The following CLIP4 variants were observed in gnomAD, a reference collection of about 807,000 sequenced individuals.
CLIP4 encodes CAP-Gly domain containing linker protein family member 4.
In CLIP4, 47 loss-of-function variants were observed where a neutral mutation model predicts 73.1. That is an observed-to-expected ratio of 0.64 (90% CI 0.51 to 0.82). The LOEUF is 0.82. Among genes scored for constraint, CLIP4 ranks in the 40% least tolerant of loss-of-function variants. The pLI is 0.00. For missense variants in CLIP4, 874 were observed against 852.9 expected, an observed-to-expected ratio of 1.02 and a Z score of -0.31; for synonymous variants, 306 against 295.4, an observed-to-expected ratio of 1.04 and a Z score of -0.37.
chr2:29,098,707 A>G (rs79962244), intron 1 of CLIP4, among the ~76,000 whole-genome samples: 2,999 of 152,320 alleles, frequency 0.02, 103 homozygotes, highest in African/African-American at 0.068. Flanking sequence ...ATAAGTTTTC[A>G]TATCACTTGG....
rs564676821 is a variant in CLIP4, at chr2:29,118,599, A to G, written c.-15-2775A>G. Reference sequence around the variant, plus strand: ...AGTGGCGGGATCTCGGCTTACCGCAATCTCTGCCTCCCAGGTTCAAGCGAT... The same window carrying G: ...AGTGGCGGGATCTCGGCTTACCGCAGTCTCTGCCTCCCAGGTTCAAGCGAT... On this transcript the variant is annotated intron_variant, in intron 1 of 15. Coordinates refer to ENST00000320081, the MANE Select transcript of CLIP4 (RefSeq NM_024692.6). Among the ~76,000 whole-genome samples, 331 of 151,534 alleles carry G rather than the reference A, an allele frequency of 2.2e-3. 1 individual carries two copies. Among genetic ancestry groups the G allele is most frequent in the Non-Finnish European group, 3.7e-3 (251 of 67,932 alleles).
At chr2:29,153,568 C>T (rs936895271) in intron 9 of CLIP4, among the ~76,000 whole-genome samples, 3 of 152,126 alleles carry the variant, frequency 2.0e-5, no homozygotes, top group Admixed American at 6.5e-5. Flanking sequence ...TTTATTTGTG[C>T]AAGTGTCCTA....
chr2:29,131,765 T>G (rs1664987567), intron 3 of CLIP4: 1 of 239,620 alleles, frequency 4.2e-6, no homozygotes, highest in Admixed American at 5.2e-5. Flanking sequence ...GAATGTAGTC[T>G]TTAAGAATAT....
At chr2:29,166,854 G>A (rs992418467) in intron 13 of CLIP4, among the ~76,000 whole-genome samples, 2 of 152,166 alleles carry the variant, frequency 1.3e-5, no homozygotes, top group Non-Finnish European at 2.9e-5. Context: ...GCTGGAGGAA[G>A]TGATTGACAA....
intron 9 of CLIP4, among the ~76,000 whole-genome samples, chr2:29,153,737 A>G (rs572705454): frequency 6.6e-6 from 1 of 152,330 alleles, no homozygotes; most frequent in East Asian, 1.9e-4. Context: ...GAATTTGTCC[A>G]AGAATTAGGC....
intron 14 of CLIP4, among the ~76,000 whole-genome samples, chr2:29,170,115 G>A (rs1181868069): frequency 6.6e-6 from 1 of 152,124 alleles, no homozygotes; most frequent in African/African-American, 2.4e-5. Flanking sequence ...ATATTCCACT[G>A]TATTATGTAT....
chr2:29,104,976 G>A (rs1322822550), intron 1 of CLIP4, among the ~76,000 whole-genome samples: 2 of 152,156 alleles, frequency 1.3e-5, no homozygotes. Context: ...AAGCTGTGTG[G>A]CTGTTGTTTT....
chr2:29,114,645 C>T (rs1668477043), upstream of CLIP4, among the ~76,000 whole-genome samples: 1 of 152,226 alleles, frequency 6.6e-6, no homozygotes, highest in South Asian at 2.1e-4. Flanking sequence ...GGAAAAGATG[C>T]TCCGGGGTGC....
At chr2:29,178,461 G>A (rs1266610741) in intron 15 of CLIP4, among the ~76,000 whole-genome samples, 1 of 152,052 alleles carries the variant, frequency 6.6e-6, no homozygotes, top group Admixed American at 6.5e-5. Context: ...GATTACAGGT[G>A]TGCACCACTG....
In CLIP4 at chr2:29,173,666, G is replaced by T. The variant is rs186433649; in HGVS notation, c.1724-707G>T. Among the ~76,000 whole-genome samples the T allele has an allele frequency of 4.7e-3, 721 of 152,288 alleles. 3 individuals are homozygous for T. The highest frequency in any genetic ancestry group is 7.5e-3 in the Non-Finnish European group (511 of 68,022). ...AAAATTATAGTTTTAAACTAAAATTGTGTCAATCAAAAGATTCATTCAGCA... is the reference window on the plus strand; with the variant it reads ...AAAATTATAGTTTTAAACTAAAATTTTGTCAATCAAAAGATTCATTCAGCA... On this transcript the variant is annotated intron_variant, in intron 14 of 15. Coordinates refer to ENST00000320081, the MANE Select transcript of CLIP4 (RefSeq NM_024692.6).
chr2:29,104,036 G>A (rs544710708), intron 1 of CLIP4, among the ~76,000 whole-genome samples: 1 of 152,044 alleles, frequency 6.6e-6, no homozygotes, highest in Non-Finnish European at 1.5e-5. Context: ...ACTGAGGCCC[G>A]CATCCCAGGA....
chr2:29,118,891 T>C (rs1558513869), intron 1 of CLIP4, among the ~76,000 whole-genome samples: 1 of 152,110 alleles, frequency 6.6e-6, no homozygotes, highest in East Asian at 1.9e-4. Flanking sequence ...TTAACCATAG[T>C]TGGATTTGGA....
chr2:29,153,874 A>T (rs528865326), intron 9 of CLIP4, among the ~76,000 whole-genome samples: 69 of 152,262 alleles, frequency 4.5e-4, no homozygotes, highest in African/African-American at 1.6e-3. Context: ...CTCATTCTTG[A>T]TCATTGTCTT....
chr2:29,171,617 C>T (rs1256642518), intron 14 of CLIP4, among the ~76,000 whole-genome samples: 1 of 150,830 alleles, frequency 6.6e-6, no homozygotes, highest in Admixed American at 6.6e-5. Flanking sequence ...CTCCCGGGTT[C>T]ACGCCATCCT....
chr2:29,116,848 TTG>T (rs1663889201), intron 1 of CLIP4, among the ~76,000 whole-genome samples: 3 of 152,250 alleles, frequency 2.0e-5, no homozygotes, highest in African/African-American at 7.2e-5. Context: ...TTCAGACATT[TTG>T]TGTTTACCAC....
rs147274446 is a variant in CLIP4, at chr2:29,109,368, AT to A, written c.-16+11429del. 2.6e-5 allele frequency among the ~76,000 whole-genome samples: 4 copies of A among 152,128 alleles called. No homozygotes were observed. The East Asian group carries it at 7.7e-4, about 29-fold the overall frequency. On this transcript the variant is annotated intron_variant, in intron 1 of 14. Transcript: ENST00000401605. ...TTATGTAGGCTTTAAGAAGACTTCA[AT>A]TTTTTTTAAAAAATAAAAATACATC...
At chr2:29,131,455 T>A in intron 3 of CLIP4, 58 bp downstream of exon 3, 1 of 1,514,292 alleles carries the variant, frequency 6.6e-7, no homozygotes, top group Non-Finnish European at 8.8e-7. Flanking sequence ...GGTATAGATT[T>A]TTTTCCCCAT....
Position 29,160,394 on chromosome 2 carries a change from C to T in CLIP4, c.1461C>T (p.Leu487=), listed in dbSNP as rs770486060. The part of the protein sequence containing the change: ...NNSRCEGELR[L]GERVLVVGQR... Reference sequence around the variant, plus strand: ...GCCGTTGCGAGGGGGAACTCCGCCTCGGAGAGAGAGTGTTAGTGGTAGGAC... The same window carrying T: ...GCCGTTGCGAGGGGGAACTCCGCCTTGGAGAGAGAGTGTTAGTGGTAGGAC... The change falls in exon 12 of 16, where the codon CTC becomes CTT. Residue 487 remains leucine, a synonymous_variant. Coordinates refer to ENST00000320081, the MANE Select transcript of CLIP4 (RefSeq NM_024692.6). The T allele has an allele frequency of 2.5e-5, 40 of 1,613,990 alleles. No homozygotes were observed. In the South Asian group the frequency reaches 2.9e-4, roughly 12 times the overall value.
At chr2:29,137,814 C>T (rs1440244504) in intron 6 of CLIP4, among the ~76,000 whole-genome samples, 1 of 152,090 alleles carries the variant, frequency 6.6e-6, no homozygotes, top group East Asian at 1.9e-4. Context: ...TGTATGTCTT[C>T]TTTTGAGAAG....
Sources: gnomAD v4.1 joint callset for allele counts (sites outside exome capture counted in the v4.1 genomes callset) on GRCh38, gnomAD v4.1.1 for gene constraint, MANE v1.5 for transcripts, NCBI Gene and HGNC (gene_info 2026-07-23, HGNC 2026-07-21) for gene names.